XXYLT1: variants seen among roughly 807,000 people sequenced by gnomAD.
The protein encoded by XXYLT1 is xyloside xylosyltransferase 1, also known as UDP-xylose:alpha-xyloside alpha-1,3-xylosyltransferase.
A neutral mutation model predicts 28.9 loss-of-function variants in XXYLT1; 20 were observed. The ratio of observed to expected loss-of-function variants is 0.69; its 90% CI spans 0.49 to 1.00. The LOEUF is 1.00. XXYLT1 is among the 50% of genes least tolerant of loss of function. The probability of loss-of-function intolerance (pLI) is 0.00; values close to 1 mark genes in which losing one functional copy is unlikely to be tolerated. For missense variants in XXYLT1, 542 were observed against 560.1 expected, an observed-to-expected ratio of 0.97 and a Z score of 0.33; for synonymous variants, 257 against 253.8, an observed-to-expected ratio of 1.01 and a Z score of -0.12.
chr3:195,188,570 G>C, intron 2 of XXYLT1, among the ~76,000 whole-genome samples: 1 of 152,226 alleles, frequency 6.6e-6, no homozygotes, highest in African/African-American at 2.4e-5. Context: ...TGCTGCTGCT[G>C]TGTACTGGCC....
At chr3:195,197,720 T>C (rs754764502) in intron 2 of XXYLT1, among the ~76,000 whole-genome samples, 18 of 152,260 alleles carry the variant, frequency 1.2e-4, no homozygotes, top group Non-Finnish European at 2.2e-4. Context: ...CCAGCGAAGC[T>C]GCTTGTTCAA....
At chr3:195,123,882 C>G (rs1462638542) in intron 3 of XXYLT1, among the ~76,000 whole-genome samples, 1 of 152,200 alleles carries the variant, frequency 6.6e-6, no homozygotes, top group Non-Finnish European at 1.5e-5. Context: ...GAGCAGAAGG[C>G]CCTTCAAAGA....
chr3:195,105,967 T>A (rs1181266760), intron 3 of XXYLT1, among the ~76,000 whole-genome samples: 3 of 152,236 alleles, frequency 2.0e-5, no homozygotes, highest in African/African-American at 4.8e-5. Flanking sequence ...CCTGTATTAT[T>A]TACTTCTGAT....
At chr3:195,203,768 T>A (rs896970949) in intron 2 of XXYLT1, among the ~76,000 whole-genome samples, 6 of 152,178 alleles carry the variant, frequency 3.9e-5, no homozygotes, top group African/African-American at 1.4e-4. Context: ...TCATCCTCCA[T>A]GCTGATGGGG....
chr3:195,225,413 A>G (rs1007186815), intron 2 of XXYLT1, among the ~76,000 whole-genome samples: 2 of 151,926 alleles, frequency 1.3e-5, no homozygotes, highest in South Asian at 2.1e-4. Context: ...CCGAGCTTCA[A>G]CTCTCAACTC....
In XXYLT1 at chr3:195,270,876, C is replaced by G. The variant is rs1368881079; in HGVS notation, c.183G>C (p.Gly61=). The part of the protein sequence containing the change: ...ATKRLKEARA[G]APAAPSPPAL... ...CGGGCGGCGAGGGCGCGGCGGGAGCCCCGGCGCGGGCCTCCTTCAGCCTCT... is the reference window on the plus strand; with the variant it reads ...CGGGCGGCGAGGGCGCGGCGGGAGCGCCGGCGCGGGCCTCCTTCAGCCTCT... The change falls in exon 1 of 4, where the codon GGG becomes GGC. Residue 61 remains glycine, a synonymous_variant. Coordinates refer to ENST00000310380, the MANE Select transcript of XXYLT1 (RefSeq NM_152531.5). The G allele has an allele frequency of 9.9e-6, 14 of 1,416,396 alleles. No homozygotes were observed. Among genetic ancestry groups the G allele is most frequent in the Non-Finnish European group, 1.1e-5 (12 of 1,089,486 alleles). 87.7% of individuals were successfully genotyped at this position (1,416,396 alleles called of 1,614,324 possible).
chr3:195,124,672 C>T lies in XXYLT1; in HGVS notation c.785+31777G>A, dbSNP rs1192203379. On this transcript the variant is annotated intron_variant, in intron 3 of 3. Coordinates refer to ENST00000310380, the MANE Select transcript of XXYLT1 (RefSeq NM_152531.5). This position sits in a 1 kb window ranked among gnomAD's most constrained non-coding sequence, Gnocchi z 4.1. ...GAGCACATGCCTTACTGTCAACTTC[C>T]AAAAACCCAAGACACTTTGAACCCC... Among the ~76,000 whole-genome samples, 5 of 152,164 alleles carry T rather than the reference C, an allele frequency of 3.3e-5. No individual in the cohort carries two copies. Among genetic ancestry groups the T allele is most frequent in the Non-Finnish European group, 7.3e-5 (5 of 68,036 alleles).
In XXYLT1 at chr3:195,270,689, A is replaced by G; in HGVS notation, c.370T>C (p.Ser124Pro). ...TCGAACTTGGCGAGGCGCAGCAGTG[A>G]GCGCAGCGCGACGCGGGCCTTGGCC... ...LQAKARVALR[S>P]LLRLAKFEAH... is the part of the protein sequence containing the mutation. The change falls in exon 1 of 4, where the codon TCA (serine) becomes CCA (proline). Residue 124 changes from serine to proline, a missense_variant. Coordinates refer to ENST00000310380, the MANE Select transcript of XXYLT1 (RefSeq NM_152531.5). 1 of 1,588,024 alleles carries G rather than the reference A, an allele frequency of 6.3e-7. No individual in the cohort carries two copies. Among genetic ancestry groups the G allele is most frequent in the South Asian group, 1.1e-5 (1 of 88,444 alleles).
At position 195,174,571 on chromosome 3, in the gene XXYLT1, C is replaced by T. The variant is rs142639208; in HGVS notation, c.653-17990G>A. Among the ~76,000 whole-genome samples the T allele has an allele frequency of 6.6e-3, 1,002 of 152,216 alleles. 39 individuals carry two copies. The East Asian group carries it at 0.085, about 13-fold the overall frequency. ...CAGGCTGGTCCTGAACTCCTGGGCT[C>T]AAGTGATCCTCCTGCCTCAGCCTCC... On this transcript the variant is annotated intron_variant, in intron 2 of 3. Coordinates refer to ENST00000310380, the MANE Select transcript of XXYLT1 (RefSeq NM_152531.5).
intron 3 of XXYLT1, among the ~76,000 whole-genome samples, chr3:195,090,019 T>G (rs528853650): frequency 0.012 from 1,728 of 148,786 alleles, 28 homozygotes; most frequent in African/African-American, 0.04. Context: ...GCACCAAGAT[T>G]CATAAAGCAA....
At chr3:195,083,387 G>A (rs534520872) in intron 3 of XXYLT1, among the ~76,000 whole-genome samples, 4 of 152,226 alleles carry the variant, frequency 2.6e-5, no homozygotes, top group Middle Eastern at 3.4e-3. Flanking sequence ...TGAATAAAAC[G>A]AACTTAATTC....
intron 3 of XXYLT1, among the ~76,000 whole-genome samples, chr3:195,096,351 G>A (rs1323428635): frequency 2.6e-5 from 4 of 152,138 alleles, no homozygotes; most frequent in South Asian, 2.1e-4. Context: ...CTCCAGGTGC[G>A]GAGAAACAAC....
chr3:195,172,573 C>G (rs548123669), intron 2 of XXYLT1, among the ~76,000 whole-genome samples: 1 of 152,290 alleles, frequency 6.6e-6, no homozygotes, highest in South Asian at 2.1e-4. Flanking sequence ...TACTGTGAAC[C>G]AGGCACTGCT....
chr3:195,132,749 A>C (rs1317779650), intron 3 of XXYLT1, among the ~76,000 whole-genome samples: 1 of 152,232 alleles, frequency 6.6e-6, no homozygotes, highest in East Asian at 1.9e-4. Flanking sequence ...GACACCTACC[A>C]GCCAGCAGAC....
At chr3:195,089,762 G>A (rs1361428074) in intron 3 of XXYLT1, among the ~76,000 whole-genome samples, 3 of 150,722 alleles carry the variant, frequency 2.0e-5, no homozygotes, top group Non-Finnish European at 4.5e-5. Context: ...ACCCATCAGT[G>A]TGCTGTATTC....
intron 3 of XXYLT1, among the ~76,000 whole-genome samples, chr3:195,110,582 G>A (rs1359670113): frequency 1.6e-5 from 1 of 64,148 alleles, no homozygotes; most frequent in African/African-American, 6.1e-5. Context: ...GTGTTGTGTG[G>A]TGTATGTGTG....
In XXYLT1 at chr3:195,095,246, G is replaced by A. The variant is rs181135925; in HGVS notation, c.786-25135C>T. 7.8e-5 allele frequency: 12 copies of A among 153,334 alleles called. 1 individual carries two copies. Among genetic ancestry groups the A allele is most frequent in the Admixed American group, 6.5e-5 (1 of 15,306 alleles). 9.5% of individuals were successfully genotyped at this position (153,334 alleles called of 1,614,324 possible). On this transcript the variant is annotated intron_variant, in intron 3 of 3. Coordinates refer to ENST00000310380, the MANE Select transcript of XXYLT1 (RefSeq NM_152531.5). ...TGTCTGGCTGTCGCGGGAACGCAGC[G>A]TGCACTCGCAAATGCAAATTCTCTT...
At chr3:195,213,810 G>A (rs572991831) in intron 2 of XXYLT1, among the ~76,000 whole-genome samples, 1 of 152,216 alleles carries the variant, frequency 6.6e-6, no homozygotes, top group Admixed American at 6.5e-5. Flanking sequence ...CAGTATCTCA[G>A]CCAGTCCTCC....
In XXYLT1 at chr3:195,069,471, T is replaced by C. The variant is rs1416188730; in HGVS notation, c.*244A>G. 7.5e-6 allele frequency: 4 copies of C among 533,170 alleles called. No individual in the cohort carries two copies. The highest frequency in any genetic ancestry group is 5.7e-5 in the African/African-American group (3 of 52,926). 33.0% of individuals were successfully genotyped at this position (533,170 alleles called of 1,614,324 possible). Reference sequence around the variant, plus strand: ...TGCTTGCTTCCCAGCCCACTGGACATGCGTGTCCTTTGTGTCGCCTGCTCC... The same window carrying C: ...TGCTTGCTTCCCAGCCCACTGGACACGCGTGTCCTTTGTGTCGCCTGCTCC... On this transcript the variant is annotated 3_prime_UTR_variant, in exon 4 of 4. Transcript: ENST00000310380.
Sources: allele counts gnomAD v4.1 joint callset (sites outside exome capture counted in the v4.1 genomes callset), GRCh38; gene constraint gnomAD v4.1.1; non-coding constraint Gnocchi (gnomAD v3.1); transcripts MANE v1.5; gene names NCBI Gene and HGNC (gene_info 2026-07-23, HGNC 2026-07-21).